The following PSMD14 variants were observed in gnomAD, a reference collection of about 807,000 sequenced individuals.
PSMD14 encodes the protein proteasome 26S subunit, non-ATPase 14, also known as ubiquitin C-terminal hydrolase PSMD14.
Under a neutral mutation model 41.2 loss-of-function variants are expected in PSMD14, and 7 were observed. The observed-to-expected ratio is 0.17, with a 90% CI of 0.10 to 0.32. PSMD14 has a LOEUF of 0.32. Ranked by LOEUF, PSMD14 falls within the 10% of genes least tolerant of loss-of-function variation. PSMD14 has a pLI of 1.00. For synonymous variants in PSMD14, 114 were observed against 122.3 expected (o/e 0.93, Z 0.45); for missense variants, 139 against 375.6 (o/e 0.37, Z 5.21).
At chr2:161,318,955 C>A in intron 3 of PSMD14, 82 bp downstream of exon 3, 1 of 1,137,904 alleles carries the variant, frequency 8.8e-7, no homozygotes, top group Non-Finnish European at 1.3e-6. Flanking sequence ...AGAAATTATC[C>A]CCAAGAAAAT....
At chr2:161,370,077 A>C (rs1683412364) in intron 5 of PSMD14, 30 bp from the exon 6 acceptor site, 1 of 1,490,712 alleles carries the variant, frequency 6.7e-7, no homozygotes, top group Non-Finnish European at 9.0e-7. Context: ...ATTTACAAAA[A>C]TTAATAATTT....
intron 7 of PSMD14, 139 bp downstream of exon 7, chr2:161,371,461 CTG>C: frequency 3.8e-6 from 3 of 782,748 alleles, no homozygotes; most frequent in Non-Finnish European, 5.7e-6. Flanking sequence ...AACAAAAAAA[CTG>C]TACAAGTTGA....
chr2:161,396,203 G>C (rs979432830), intron 10 of PSMD14, among the ~76,000 whole-genome samples: 1 of 152,120 alleles, frequency 6.6e-6, no homozygotes, highest in Non-Finnish European at 1.5e-5. Flanking sequence ...TGTTACCCTA[G>C]GCAAAATAAA....
intron 11 of PSMD14, among the ~76,000 whole-genome samples, chr2:161,410,422 C>T (rs962319100): frequency 5.3e-5 from 8 of 151,788 alleles, no homozygotes; most frequent in Admixed American, 4.6e-4. Context: ...TAACAATAAT[C>T]GTAAGAATAT....
chr2:161,358,058 T>C (rs1683232850), intron 3 of PSMD14, among the ~76,000 whole-genome samples: 1 of 152,172 alleles, frequency 6.6e-6, no homozygotes, highest in Non-Finnish European at 1.5e-5. Context: ...TTTATAGTGG[T>C]AACAGCCTAA....
At chr2:161,312,476 A>G (rs1279826352) in intron 1 of PSMD14, among the ~76,000 whole-genome samples, 1 of 152,240 alleles carries the variant, frequency 6.6e-6, no homozygotes, top group African/African-American at 2.4e-5. Flanking sequence ...CAGCATGGAC[A>G]TGATCTAGCA....
chr2:161,320,890 C>T (rs910590495), intron 3 of PSMD14, among the ~76,000 whole-genome samples: 2 of 151,788 alleles, frequency 1.3e-5, no homozygotes, highest in Admixed American at 6.6e-5. Flanking sequence ...CACGCCCAGC[C>T]GATTTTTGAA....
chr2:161,323,241 A>G (rs1682637419), intron 3 of PSMD14, among the ~76,000 whole-genome samples: 1 of 152,344 alleles, frequency 6.6e-6, no homozygotes, highest in Non-Finnish European at 1.5e-5. Flanking sequence ...AAACTTCAAT[A>G]TTCCACACTT....
At chr2:161,361,987 T>C (rs1683295479) in intron 3 of PSMD14, among the ~76,000 whole-genome samples, 1 of 152,248 alleles carries the variant, frequency 6.6e-6, no homozygotes, top group Non-Finnish European at 1.5e-5. Context: ...CTTGATTTCC[T>C]ACTGTTGTTT....
chr2:161,403,911 T>A (rs1406277740), intron 10 of PSMD14, among the ~76,000 whole-genome samples: 6 of 143,706 alleles, frequency 4.2e-5, no homozygotes, highest in Non-Finnish European at 7.6e-5. Flanking sequence ...TGAATTTAAA[T>A]TTTTTTTTTT....
intron 2 of PSMD14, among the ~76,000 whole-genome samples, chr2:161,318,353 A>G (rs939629232): frequency 5.3e-5 from 8 of 152,176 alleles, no homozygotes; most frequent in Non-Finnish European, 1.2e-4. Context: ...TTTTGATGGT[A>G]ACTGACAAGC....
intron 10 of PSMD14, among the ~76,000 whole-genome samples, chr2:161,398,860 AAAC>A (rs1477407454): frequency 2.0e-5 from 3 of 152,114 alleles, no homozygotes; most frequent in East Asian, 1.9e-4. Flanking sequence ...AATATGATAA[AAAC>A]AACAGATATA....
At chr2:161,362,973 C>T (rs1683309895) in intron 3 of PSMD14, among the ~76,000 whole-genome samples, 3 of 152,126 alleles carry the variant, frequency 2.0e-5, no homozygotes, top group South Asian at 2.1e-4. Flanking sequence ...TAGCTTTGAG[C>T]TCTTGTCTGT....
intron 7 of PSMD14, among the ~76,000 whole-genome samples, chr2:161,376,292 A>T (rs1017917841): frequency 1.3e-5 from 2 of 151,706 alleles, no homozygotes; most frequent in African/African-American, 4.8e-5. Flanking sequence ...GAATCTTAGT[A>T]CCTATTTCAT....
At chr2:161,331,940 G>A (rs910211262) in intron 3 of PSMD14, among the ~76,000 whole-genome samples, 2 of 152,136 alleles carry the variant, frequency 1.3e-5, no homozygotes, top group African/African-American at 4.8e-5. Flanking sequence ...AACAAGAAGT[G>A]GAGCTAGAGC....
intron 3 of PSMD14, among the ~76,000 whole-genome samples, chr2:161,321,516 C>T (rs997476831): frequency 3.3e-5 from 5 of 152,104 alleles, no homozygotes; most frequent in South Asian, 2.1e-4. Flanking sequence ...ACAAACCTGG[C>T]GGTTACTGTC....
intron 8 of PSMD14, among the ~76,000 whole-genome samples, chr2:161,385,983 G>A (rs1002236327): frequency 2.0e-5 from 3 of 151,646 alleles, no homozygotes; most frequent in East Asian, 1.9e-4. Flanking sequence ...ATCCCTAGAA[G>A]TAATTCTTAA....
chr2:161,320,435 T>C (rs1689190668), intron 3 of PSMD14, among the ~76,000 whole-genome samples: 1 of 152,166 alleles, frequency 6.6e-6, no homozygotes, highest in Admixed American at 6.5e-5. Flanking sequence ...AGTAACCTTA[T>C]TGGTTTCTGA....
chr2:161,308,879 T>C (rs1689056049), intron 1 of PSMD14: 1 of 152,230 alleles, frequency 6.6e-6, no homozygotes, highest in Admixed American at 6.5e-5. Context: ...AATCCTTGTT[T>C]ATGGCCTGTT....
Sources: allele counts gnomAD v4.1 joint callset (sites outside exome capture counted in the v4.1 genomes callset), GRCh38; gene constraint gnomAD v4.1.1; transcripts MANE v1.5; gene names NCBI Gene and HGNC (gene_info 2026-07-23, HGNC 2026-07-21).